Variants in ASTN1 observed in about 807,000 individuals in gnomAD.
ASTN1 encodes the protein astrotactin-1.
ASTN1 carries 41 observed loss-of-function variants against 140.7 expected under a neutral mutation model. The observed-to-expected ratio is 0.29, with a 90% CI of 0.23 to 0.38. The LOEUF is 0.38. ASTN1 is among the 10% of genes least tolerant of loss of function. The pLI is 1.00. For missense variants in ASTN1, 1,479 were observed against 1,678.8 expected, an observed-to-expected ratio of 0.88 and a Z score of 2.08; for synonymous variants, 640 against 652.2, an observed-to-expected ratio of 0.98 and a Z score of 0.29.
At chr1:176,957,574 G>A in intron 11 of ASTN1, 104 bp downstream of exon 11, 1 of 1,395,126 alleles carries the variant, frequency 7.2e-7, no homozygotes, top group Non-Finnish European at 9.8e-7. Context: ...GTTTACAACT[G>A]GGGATCACAG....
intron 8 of ASTN1, among the ~76,000 whole-genome samples, chr1:176,965,614 C>T (rs960625061): frequency 2.6e-5 from 4 of 151,034 alleles, no homozygotes; most frequent in South Asian, 2.1e-4. Context: ...GGGAATCAGA[C>T]AGTTCTGGAT....
At position 176,948,755 on chromosome 1, in the gene ASTN1, G is replaced by C. The variant is rs113828633; in HGVS notation, c.2054+430C>G. On this transcript the variant is annotated intron_variant, in intron 12 of 22. Coordinates refer to ENST00000361833, the MANE Select transcript of ASTN1 (RefSeq NM_004319.3). ...GCAGAATTTAGAAAAGTTTCCATTT[G>C]TCCAAAGACCACCCCCCTTTTTTGA... Among the ~76,000 whole-genome samples, 968 of 150,880 alleles carry C rather than the reference G, an allele frequency of 6.4e-3. 12 individuals are homozygous for C. Among genetic ancestry groups the C allele is most frequent in the African/African-American group, 0.022 (920 of 41,002 alleles).
intron 7 of ASTN1, among the ~76,000 whole-genome samples, chr1:177,021,225 T>C (rs769985449): frequency 5.3e-5 from 8 of 152,152 alleles, no homozygotes; most frequent in Non-Finnish European, 1.0e-4. Flanking sequence ...TGTCTTGGGG[T>C]TTGGGAGATT....
chr1:177,142,053 AGCAGTATTAGAAAAACT>A (rs1682496469), intron 1 of ASTN1, among the ~76,000 whole-genome samples: 1 of 152,200 alleles, frequency 6.6e-6, no homozygotes, highest in African/African-American at 2.4e-5. Flanking sequence ...ATCAGTCTCT[AGCAGTATTAGAAAAACT>A]ACAGGGAACT....
At chr1:176,895,930 A>G (rs1365560935) in intron 16 of ASTN1, among the ~76,000 whole-genome samples, 3 of 152,194 alleles carry the variant, frequency 2.0e-5, no homozygotes, top group Non-Finnish European at 2.9e-5. Context: ...GACATCCTGG[A>G]TATATACAGG....
At chr1:177,013,350 C>T (rs1241786258) in intron 8 of ASTN1, among the ~76,000 whole-genome samples, 1 of 152,206 alleles carries the variant, frequency 6.6e-6, no homozygotes. Flanking sequence ...CCAACTTCAA[C>T]CTGTTCCAGA....
chr1:177,095,462 C>A (rs1217113151), intron 1 of ASTN1, among the ~76,000 whole-genome samples: 1 of 152,148 alleles, frequency 6.6e-6, no homozygotes, highest in Non-Finnish European at 1.5e-5. Flanking sequence ...GAGGGAAGAA[C>A]AATTTCAAGG....
intron 8 of ASTN1, among the ~76,000 whole-genome samples, chr1:176,968,645 C>T (rs750409881): frequency 6.6e-5 from 10 of 152,160 alleles, no homozygotes; most frequent in Non-Finnish European, 1.0e-4. Context: ...AATTTCTTCC[C>T]TCTAGTCCGG....
intron 16 of ASTN1, among the ~76,000 whole-genome samples, chr1:176,931,914 T>C (rs1340696307): frequency 6.6e-6 from 1 of 152,188 alleles, no homozygotes; most frequent in African/African-American, 2.4e-5. Flanking sequence ...ACCAAATACC[T>C]AACCTGAGAA....
At chr1:176,957,509 CA>C (rs1393172242) in intron 11 of ASTN1, among the ~76,000 whole-genome samples, 168 bp downstream of exon 11, 1 of 152,150 alleles carries the variant, frequency 6.6e-6, no homozygotes, top group East Asian at 1.9e-4. Context: ...CTAACTGATT[CA>C]TGATTACCTT....
Position 176,942,866 on chromosome 1 carries a change from A to ATATATATATATATATATATATT in ASTN1, c.2377+1024_2377+1025insAATATATATATATATATATATA, listed in dbSNP as rs1385017638. ...TATATATATATATATATATATATAT[A>ATATATATATATATATATATATT]GATTGATGTCTCATGTCTCCTTAAA... On this transcript the variant is annotated intron_variant, in intron 14 of 22. Coordinates refer to ENST00000361833, the MANE Select transcript of ASTN1 (RefSeq NM_004319.3). Among the ~76,000 whole-genome samples the ATATATATATATATATATATATT allele has an allele frequency of 4.6e-4, 32 of 70,000 alleles. 10 individuals carry two copies. Among genetic ancestry groups the ATATATATATATATATATATATT allele is most frequent in the Non-Finnish European group, 7.4e-4 (26 of 35,252 alleles). 45.9% of individuals were successfully genotyped at this position (70,000 alleles called of 152,430 possible).
chr1:177,093,457 C>A (rs1278915663), intron 1 of ASTN1, among the ~76,000 whole-genome samples: 1 of 152,096 alleles, frequency 6.6e-6, no homozygotes, highest in Non-Finnish European at 1.5e-5. Context: ...CCTCTAAAAC[C>A]ATTATTTTAC....
rs192825378 is a variant in ASTN1 at position 176,861,301 on chromosome 1, G to T, written c.*2983C>A. On this transcript the variant is annotated 3_prime_UTR_variant, in exon 23 of 23. Coordinates refer to ENST00000361833, the MANE Select transcript of ASTN1 (RefSeq NM_004319.3). Reference sequence around the variant, plus strand: ...GAACGGACCAAACTCCATGGAAAACGATTGCACACTCAATTAAAAGTCTAA... The same window carrying T: ...GAACGGACCAAACTCCATGGAAAACTATTGCACACTCAATTAAAAGTCTAA... 4.1e-6 allele frequency: 4 copies of T among 985,670 alleles called. No homozygotes were observed. In the Admixed American group the frequency reaches 1.8e-4, roughly 45 times the overall value. The allele number at this position is 985,670 out of a possible 1,614,324, so 61.1% of individuals were successfully genotyped here.
chr1:177,103,864 C>T (rs1680416435), intron 1 of ASTN1, among the ~76,000 whole-genome samples: 1 of 152,160 alleles, frequency 6.6e-6, no homozygotes, highest in South Asian at 2.1e-4. Context: ...CTGGCTGACA[C>T]AAGAGCCCCT....
chr1:176,986,304 A>G (rs1164254868), intron 8 of ASTN1, among the ~76,000 whole-genome samples: 1 of 152,216 alleles, frequency 6.6e-6, no homozygotes, highest in Non-Finnish European at 1.5e-5. Flanking sequence ...AAAATGTTGC[A>G]GAGAGGTAAT....
chr1:176,872,435 GA>G (rs1318692063), intron 21 of ASTN1, among the ~76,000 whole-genome samples: 1 of 152,078 alleles, frequency 6.6e-6, no homozygotes, highest in East Asian at 1.9e-4. Flanking sequence ...CAAAAGTGGG[GA>G]AAAATAAAAC....
rs1042777097 is a variant in ASTN1 at position 176,861,697 on chromosome 1, T to C, written c.*2587A>G. On this transcript the variant is annotated 3_prime_UTR_variant, in exon 23 of 23. Transcript: ENST00000361833. ...TTGTGTGTGCACACGTGTGTGTGTG[T>C]GTACATACATACACACATTCAGTGG... 1 of 985,346 alleles carries C rather than the reference T, an allele frequency of 1.0e-6. No homozygotes were observed. Among genetic ancestry groups the C allele is most frequent in the Non-Finnish European group, 1.2e-6 (1 of 829,942 alleles). 61.0% of individuals were successfully genotyped at this position (985,346 alleles called of 1,614,324 possible).
intron 1 of ASTN1, 65 bp downstream of exon 1, chr1:177,164,329 C>A (rs1274567030): frequency 6.9e-6 from 9 of 1,307,324 alleles, no homozygotes; most frequent in Middle Eastern, 2.0e-4. Flanking sequence ...GTAGAGCGAG[C>A]TGGAGTGGGG....
At chr1:176,991,129 C>T (rs140804195) in intron 8 of ASTN1, among the ~76,000 whole-genome samples, 42 of 152,184 alleles carry the variant, frequency 2.8e-4, no homozygotes, top group Non-Finnish European at 5.7e-4. Flanking sequence ...TAGAGCCGGC[C>T]GGGTGCAGTG....
Sources: allele counts gnomAD v4.1 joint callset (sites outside exome capture counted in the v4.1 genomes callset), GRCh38; gene constraint gnomAD v4.1.1; transcripts MANE v1.5; gene names NCBI Gene and HGNC (gene_info 2026-07-23, HGNC 2026-07-21).